TCP11L2: variants seen among roughly 807,000 people sequenced by gnomAD.
TCP11L2 encodes the protein t-complex 11 like 2.
A neutral mutation model predicts 50.7 loss-of-function variants in TCP11L2; 39 were observed. The observed-to-expected ratio is 0.77, with a 90% CI of 0.60 to 1.01. TCP11L2 has a LOEUF of 1.01. Ranked by LOEUF, TCP11L2 falls within the 50% of genes least tolerant of loss-of-function variation. The pLI is 0.00. For synonymous variants in TCP11L2, 192 were observed against 219.3 expected (o/e 0.88, Z 1.10); for missense variants, 612 against 614.7 (o/e 1.00, Z 0.05).
chr12:106,304,415 T>A (rs2034546948), intron 1 of TCP11L2: 1 of 152,314 alleles, frequency 6.6e-6, no homozygotes, highest in Non-Finnish European at 1.5e-5. Flanking sequence ...AGACCAGTAT[T>A]GTCTAGATGA....
intron 9 of TCP11L2, among the ~76,000 whole-genome samples, chr12:106,343,594 C>T (rs1449337414): frequency 2.6e-5 from 4 of 151,624 alleles, no homozygotes; most frequent in South Asian, 2.1e-4. Context: ...ATTTTTCTGT[C>T]GAATACATAC....
rs1176363996 is a variant in TCP11L2 at position 106,314,572 on chromosome 12, T to C, written c.293+79T>C. On this transcript the variant is annotated intron_variant, in intron 3 of 9. Coordinates refer to ENST00000299045, the MANE Select transcript of TCP11L2 (RefSeq NM_152772.3). ...GTGTGTGTGTGTGTGTGTGTGTGTG[T>C]GTGTGAGAGAGAGAGAGAGAGAGAG... The C allele has an allele frequency of 3.6e-6, 3 of 840,820 alleles. No individual in the cohort carries two copies. The Admixed American group carries it at 7.7e-5, about 21-fold the overall frequency. 52.1% of individuals were successfully genotyped at this position (840,820 alleles called of 1,614,324 possible).
chr12:106,342,860 G>A (rs2036128933), intron 9 of TCP11L2, among the ~76,000 whole-genome samples: 1 of 152,158 alleles, frequency 6.6e-6, no homozygotes, highest in Non-Finnish European at 1.5e-5. Context: ...GTGTCAGAGT[G>A]TACTCTGTGA....
At chr12:106,318,845 G>T (rs1273748813) in intron 4 of TCP11L2, among the ~76,000 whole-genome samples, 1 of 151,958 alleles carries the variant, frequency 6.6e-6, no homozygotes, top group Non-Finnish European at 1.5e-5. Flanking sequence ...CAAGTATCTG[G>T]GACTACAGGC....
intron 9 of TCP11L2, among the ~76,000 whole-genome samples, chr12:106,342,937 T>A (rs1204518257): frequency 6.6e-6 from 1 of 152,192 alleles, no homozygotes; most frequent in Non-Finnish European, 1.5e-5. Flanking sequence ...GCTAGGAGAT[T>A]CCTCTTAAAA....
chr12:106,306,389 A>G (rs1180402445), intron 1 of TCP11L2, among the ~76,000 whole-genome samples: 4 of 152,330 alleles, frequency 2.6e-5, no homozygotes, highest in Middle Eastern at 3.4e-3. Context: ...CATTTGAGAA[A>G]AAGTTGTATA....
At chr12:106,299,175 G>A (rs1399387013), upstream of TCP11L2, among the ~76,000 whole-genome samples, 3 of 152,082 alleles carry the variant, frequency 2.0e-5, no homozygotes, top group Non-Finnish European at 4.4e-5. Flanking sequence ...TCTTACAGGA[G>A]GGGTTAGGCT....
intron 1 of TCP11L2, among the ~76,000 whole-genome samples, chr12:106,308,059 T>C (rs1269927050): frequency 6.6e-6 from 1 of 152,244 alleles, no homozygotes. Context: ...ATGTGGAGGC[T>C]TCTACCCACT....
chr12:106,346,045 A>G (rs968881556), intron 9 of TCP11L2, among the ~76,000 whole-genome samples: 20 of 152,056 alleles, frequency 1.3e-4, no homozygotes, highest in Non-Finnish European at 2.4e-4. Context: ...TGGCATTTCC[A>G]CCGCATTCTG....
At chr12:106,329,242 C>A in intron 6 of TCP11L2, 1 of 1,477,938 alleles carries the variant, frequency 6.8e-7, no homozygotes, top group Non-Finnish European at 9.1e-7. Context: ...ATCCCCAGTA[C>A]TTGGTACAAT....
chr12:106,321,765 G>A, intron 5 of TCP11L2, 59 bp downstream of exon 5: 1 of 1,479,562 alleles, frequency 6.8e-7, no homozygotes, highest in Non-Finnish European at 9.4e-7. Context: ...CAGAAGGGAA[G>A]TTGGGCATCA....
At chr12:106,323,717 A>T (rs1592954677) in intron 6 of TCP11L2, 71 bp downstream of exon 6, 2 of 188,784 alleles carry the variant, frequency 1.1e-5, no homozygotes, top group Non-Finnish European at 1.8e-5. Flanking sequence ...TAAAATTTAA[A>T]TTAAATTAAA....
chr12:106,303,746 A>G (rs2034516472), intron 1 of TCP11L2: 1 of 152,234 alleles, frequency 6.6e-6, no homozygotes, highest in South Asian at 2.1e-4. Flanking sequence ...CAGTTTCACA[A>G]TGATAGAGTT....
chr12:106,329,135 G>A (rs375510187), intron 6 of TCP11L2, among the ~76,000 whole-genome samples: 1 of 152,152 alleles, frequency 6.6e-6, no homozygotes, highest in Non-Finnish European at 1.5e-5. Flanking sequence ...AATTGGGGTA[G>A]AAGCACGTGT....
At chr12:106,300,308 T>A (rs552663008), upstream of TCP11L2, among the ~76,000 whole-genome samples, 7 of 152,230 alleles carry the variant, frequency 4.6e-5, no homozygotes, top group South Asian at 4.1e-4. Flanking sequence ...TTTACAGCAC[T>A]CCATTTTTTC....
intron 5 of TCP11L2, 147 bp downstream of exon 5, chr12:106,321,853 A>C (rs1245062682): frequency 1.5e-6 from 1 of 667,552 alleles, no homozygotes; most frequent in Admixed American, 2.8e-5. Context: ...AGACCATGTC[A>C]ATTATTTACT....
rs750435497 is a variant in TCP11L2 at position 106,311,050 on chromosome 12, T to A, written c.-26T>A. ...CTGTTTGTCTGTGCAGGTGCTACCT[T>A]TTTACCCACACTTAAGTGACGCAAA... On this transcript the variant is annotated 5_prime_UTR_variant, in exon 2 of 10. Coordinates refer to ENST00000299045, the MANE Select transcript of TCP11L2 (RefSeq NM_152772.3). 11 of 1,612,238 alleles carry A rather than the reference T, an allele frequency of 6.8e-6. No individual in the cohort carries two copies. Among genetic ancestry groups the A allele is most frequent in the East Asian group, 2.2e-5 (1 of 44,866 alleles).
intron 9 of TCP11L2, among the ~76,000 whole-genome samples, chr12:106,343,528 C>T (rs2713726): frequency 0.96 from 146,329 of 152,304 alleles, 70,342 homozygotes; most frequent in East Asian, 1. Context: ...CTGAAGGGAT[C>T]ATAATCCCCA....
At chr12:106,330,078 A>G (rs540837223) in intron 6 of TCP11L2, 806 of 985,452 alleles carry the variant, frequency 8.2e-4, no homozygotes, top group Non-Finnish European at 9.4e-4. Flanking sequence ...GTATAATTGT[A>G]TAAGAACTGT....
Sources: allele counts gnomAD v4.1 joint callset (sites outside exome capture counted in the v4.1 genomes callset), GRCh38; gene constraint gnomAD v4.1.1; transcripts MANE v1.5; gene names NCBI Gene and HGNC (gene_info 2026-07-23, HGNC 2026-07-21).